Variants in SNRNP200 observed in about 807,000 individuals in gnomAD.
SNRNP200 encodes the protein small nuclear ribonucleoprotein U5 subunit 200.
SNRNP200 carries 66 observed loss-of-function variants against 255.2 expected under a neutral mutation model. That is an observed-to-expected ratio of 0.26 (90% CI 0.21 to 0.32). The LOEUF (loss-of-function observed/expected upper bound fraction) is 0.32. Ranked by LOEUF, SNRNP200 falls within the 10% of genes least tolerant of loss-of-function variation. The pLI, the probability that SNRNP200 is intolerant of heterozygous loss-of-function variation, is 1.00. For synonymous variants in SNRNP200, 939 were observed against 1,027.8 expected (o/e 0.91, Z 1.65); for missense variants, 1,585 against 2,749.8 (o/e 0.58, Z 9.47).
chr2:96,298,829 A>G lies in SNRNP200; in HGVS notation c.868T>C (p.Leu290=), dbSNP rs1211580910. The change falls in exon 7 of 45, where the codon TTG becomes CTG. Residue 290 remains leucine (L), a synonymous_variant. Transcript: ENST00000323853. ...CTTGGCCATACCTTCAAAATCTCCAATACTTCATCTGCCTTCTTCTGCGAC... is the reference window on the plus strand; with the variant it reads ...CTTGGCCATACCTTCAAAATCTCCAGTACTTCATCTGCCTTCTTCTGCGAC... The part of the protein sequence containing the change: ...IVSQKKADEV[L]EILKTASDDR... 1.9e-6 allele frequency: 3 copies of G among 1,614,162 alleles called. No individual in the cohort carries two copies. The highest frequency in any genetic ancestry group is 3.3e-5 in the Admixed American group (2 of 60,024).
At chr2:96,298,483 A>G in intron 8 of SNRNP200, 63 bp from the exon 9 acceptor site, 5 of 1,611,684 alleles carry the variant, frequency 3.1e-6, no homozygotes, top group Non-Finnish European at 3.4e-6. Context: ...AACCATCCTC[A>G]GGGTAGAAAG....
chr2:96,302,281 T>C (rs748478805), intron 3 of SNRNP200, among the ~76,000 whole-genome samples: 1 of 152,172 alleles, frequency 6.6e-6, no homozygotes, highest in Non-Finnish European at 1.5e-5. Flanking sequence ...ACACGTGCTG[T>C]TCCACACAAA....
intron 43 of SNRNP200, 137 bp from the exon 44 acceptor site, chr2:96,275,486 T>C (rs935967059): frequency 7.8e-6 from 6 of 771,800 alleles, no homozygotes; most frequent in Non-Finnish European, 1.1e-5. Context: ...ACAATTAGAT[T>C]TAACATTTTA....
chr2:96,286,940 T>C lies in SNRNP200; in HGVS notation c.3640-63A>G. The C allele has an allele frequency of 6.2e-7, 1 of 1,613,716 alleles. No individual in the cohort carries two copies. The highest frequency in any genetic ancestry group is 8.5e-7 in the Non-Finnish European group (1 of 1,179,736). ...ACGTAGACTGAGTGCCTCCAATCCA[T>C]CTCCTCGGCCCAGCAACGTAGACTG... is the stretch of plus-strand genomic sequence containing the variant. On this transcript the variant is annotated intron_variant, in intron 27 of 44. Coordinates refer to ENST00000323853, the MANE Select transcript of SNRNP200 (RefSeq NM_014014.5). This position sits in a 1 kb window ranked among gnomAD's most constrained non-coding sequence, Gnocchi z 4.8.
chr2:96,277,735 T>C lies in SNRNP200; in HGVS notation c.5755-20A>G, dbSNP rs3214063. On this transcript the variant is annotated intron_variant, in intron 40 of 44. Transcript: ENST00000323853. The surrounding 1 kb of genome is among the most constrained non-coding windows in gnomAD (Gnocchi z 4.4). ...GATTGCCTGAACAGGAAAAGGAGTA[T>C]AAAAGTGGGCGGAGTTGGAGCTGAG... 586,872 of 1,613,676 alleles carry C rather than the reference T, an allele frequency of 0.36. 114,011 individuals are homozygous for C. The highest frequency in any genetic ancestry group is 0.69 in the South Asian group (63,070 of 91,078).
At position 96,278,156 on chromosome 2, in the gene SNRNP200, T is replaced by C. The variant is rs548848568; in HGVS notation, c.5610+81A>G. 2 of 1,606,894 alleles carry C rather than the reference T, an allele frequency of 1.2e-6. No individual in the cohort carries two copies. The highest frequency in any genetic ancestry group is 2.2e-5 in the East Asian group (1 of 44,838). The stretch of plus-strand genomic sequence containing the variant: ...CGGGGGATGCGTATGGGCGTGTTGG[T>C]GGCAGGGATGCCATGTGCTCTGGGC... On this transcript the variant is annotated intron_variant, in intron 39 of 44. Coordinates refer to ENST00000323853, the MANE Select transcript of SNRNP200 (RefSeq NM_014014.5). This position sits in a 1 kb window ranked among gnomAD's most constrained non-coding sequence, Gnocchi z 6.9.
rs1295655106 is a variant in SNRNP200, at chr2:96,290,680, G to A, written c.2553+4C>T. On this transcript the variant is annotated splice_donor_region_variant and intron_variant, in intron 19 of 44. Transcript: ENST00000323853. This position sits in a 1 kb window ranked among gnomAD's most constrained non-coding sequence, Gnocchi z 4.5. Reference sequence around the variant, plus strand: ...GCTGAGAATAAACTCAAAAGGCTCTGTACCTGCAGAATGTCCAGTGCTCCC... The same window carrying A: ...GCTGAGAATAAACTCAAAAGGCTCTATACCTGCAGAATGTCCAGTGCTCCC... 6.2e-7 allele frequency: 1 copy of A among 1,614,196 alleles called. No homozygotes were observed. The highest frequency in any genetic ancestry group is 8.5e-7 in the Non-Finnish European group (1 of 1,180,038).
chr2:96,303,214 G>A lies in SNRNP200; in HGVS notation c.326C>T (p.Thr109Ile), dbSNP rs2063964282. Residue 109 changes from threonine to isoleucine, a missense_variant, in exon 3 of 45, where the codon ACT becomes ATT. Around this residue, in one of 9 missense-constraint regions of SNRNP200, gnomAD observed 383 missense variants for 645.3 expected, o/e 0.59. Transcript: ENST00000323853. Reference protein sequence around the residue: ...GIIYKPKTKETRETYEVLLSF... With the variant: ...GIIYKPKTKEIRETYEVLLSF... Reference sequence around the variant, plus strand: ...GAGTAGCACCTCATAGGTCTCCCGAGTCTCTTTAGTTTTGGGCTTGTAGAT... The same window carrying A: ...GAGTAGCACCTCATAGGTCTCCCGAATCTCTTTAGTTTTGGGCTTGTAGAT... 1 of 1,614,186 alleles carries A rather than the reference G, an allele frequency of 6.2e-7. No homozygotes were observed.
chr2:96,297,685 A>C lies in SNRNP200; in HGVS notation c.1155T>G (p.Ser385=). Residue 385 remains serine (S), a synonymous_variant, in exon 10 of 45, where the codon TCT becomes TCG. Transcript: ENST00000323853. ...ERSRRERVRQ[S]RMDTDLETMD... ...TGGTTTCCAGATCTGTGTCCATTCGAGACTGACGCACTCGCTCTCTCCGGG... is the reference window on the plus strand; with the variant it reads ...TGGTTTCCAGATCTGTGTCCATTCGCGACTGACGCACTCGCTCTCTCCGGG... The C allele has an allele frequency of 6.2e-7, 1 of 1,614,236 alleles. No homozygotes were observed. Among genetic ancestry groups the C allele is most frequent in the East Asian group, 2.2e-5 (1 of 44,894 alleles).
In SNRNP200 at chr2:96,290,763, G is replaced by A. The variant is rs2063879411; in HGVS notation, c.2474C>T (p.Thr825Ile). 2 of 1,614,194 alleles carry A rather than the reference G, an allele frequency of 1.2e-6. No individual in the cohort carries two copies. Among genetic ancestry groups the A allele is most frequent in the Non-Finnish European group, 1.7e-6 (2 of 1,180,032 alleles). The change falls in exon 19 of 45, where the codon ACA becomes ATA. Residue 825 changes from threonine to isoleucine, a missense_variant. By Grantham distance (89) the Thr-to-Ile change is moderately conservative. Coordinates refer to ENST00000323853, the MANE Select transcript of SNRNP200 (RefSeq NM_014014.5). The surrounding 1 kb of genome is among the most constrained non-coding windows in gnomAD (Gnocchi z 4.5). ...CACCTGGGTGCCTTTGATGATGACT[G>A]TATGTGCAGGGAGATTCACACCCCA... ...LAWGVNLPAH[T>I]VIIKGTQVYS...
In SNRNP200 at chr2:96,286,616, A is replaced by T; in HGVS notation, c.3829+72T>A. The T allele has an allele frequency of 1.3e-6, 2 of 1,598,164 alleles. No homozygotes were observed. Among genetic ancestry groups the T allele is most frequent in the Admixed American group, 1.7e-5 (1 of 59,142 alleles). On this transcript the variant is annotated intron_variant, in intron 28 of 44. Transcript: ENST00000323853. The surrounding 1 kb of genome is among the most constrained non-coding windows in gnomAD (Gnocchi z 4.8). Reference sequence around the variant, plus strand: ...TGTCCCCAGCAAGGGCAAGCCCGGGACAAAGTGCAAGACATTCTTCTACTG... The same window carrying T: ...TGTCCCCAGCAAGGGCAAGCCCGGGTCAAAGTGCAAGACATTCTTCTACTG...
chr2:96,276,781 C>T (rs919196225), intron 43 of SNRNP200, 123 bp downstream of exon 43: 2 of 937,394 alleles, frequency 2.1e-6, no homozygotes, highest in South Asian at 1.3e-5. Flanking sequence ...TTAATTCTCA[C>T]CCTTGTGAGC....
In SNRNP200 at chr2:96,301,047, T is replaced by C. The variant is rs2063949326; in HGVS notation, c.581A>G (p.Asn194Ser). The C allele has an allele frequency of 1.2e-6, 2 of 1,613,842 alleles. No homozygotes were observed. Among genetic ancestry groups the C allele is most frequent in the Admixed American group, 1.7e-5 (1 of 59,996 alleles). Residue 194 changes from asparagine to serine, a missense_variant, in exon 5 of 45, where the codon AAC (asparagine) becomes AGC (serine). Asn to Ser is a conservative substitution (Grantham distance 46). This residue lies in a region of SNRNP200 where 383 missense variants were observed against 645.3 expected (regional missense o/e 0.59). Transcript: ENST00000323853. ...ATTCACACCGTATGTCTCATCAATG[T>C]TGTCATCTGAAACAATGAAGGATTA... Reference protein sequence around the residue: ...GDKEIQNMDDNIDETYGVNVQ... With the variant: ...GDKEIQNMDDSIDETYGVNVQ...
At chr2:96,281,163 CTT>C (rs56825196) in intron 35 of SNRNP200, 11 of 92,670 alleles carry the variant, frequency 1.2e-4, no homozygotes, top group East Asian at 3.0e-4. Context: ...CACACCCAGG[CTT>C]TTTTTTTTTT....
At position 96,283,073 on chromosome 2, in the gene SNRNP200, G is replaced by T; in HGVS notation, c.4915+128C>A. 1 of 1,227,724 alleles carries T rather than the reference G, an allele frequency of 8.1e-7. No individual in the cohort carries two copies. The highest frequency in any genetic ancestry group is 1.2e-6 in the Non-Finnish European group (1 of 845,430). The allele number at this position is 1,227,724 out of a possible 1,614,324, so 76.1% of individuals were successfully genotyped here. A position where few individuals can be genotyped will look rare whatever the true frequency, so the allele number is the denominator to read the frequency against. ...GAGGATCAAATGAGTTAACAGCCAA[G>T]AGTCCTAAACAGTATTTTGAAAATC... On this transcript the variant is annotated intron_variant, in intron 34 of 44. Coordinates refer to ENST00000323853, the MANE Select transcript of SNRNP200 (RefSeq NM_014014.5). The surrounding 1 kb of genome is among the most constrained non-coding windows in gnomAD (Gnocchi z 4.7).
chr2:96,275,984 C>T (rs1030009053), intron 43 of SNRNP200, among the ~76,000 whole-genome samples: 10 of 152,074 alleles, frequency 6.6e-5, no homozygotes, highest in East Asian at 1.9e-4. Flanking sequence ...CCAGCCTGGG[C>T]GACAGAGCGA....
At position 96,297,088 on chromosome 2, in the gene SNRNP200, C is replaced by T; in HGVS notation, c.1378-18G>A. 6.2e-7 allele frequency: 1 copy of T among 1,614,126 alleles called. No homozygotes were observed. Among genetic ancestry groups the T allele is most frequent in the Non-Finnish European group, 8.5e-7 (1 of 1,180,026 alleles). Reference sequence around the variant, plus strand: ...AGCAGTTGCTAGAAGAAAAGAAGTGCCATCAATATCATGTTGGCAGCATCC... The same window carrying T: ...AGCAGTTGCTAGAAGAAAAGAAGTGTCATCAATATCATGTTGGCAGCATCC... On this transcript the variant is annotated intron_variant, in intron 11 of 44. Transcript: ENST00000323853.
Position 96,291,954 on chromosome 2 carries a change from A to G in SNRNP200, c.2161-54T>C. ...CACGAGATACTCACAGCCCCAGGGC[A>G]CCTGCAGCAGGAAGCAGAAGTTGCA... On this transcript the variant is annotated intron_variant, in intron 16 of 44. Transcript: ENST00000323853. The surrounding 1 kb of genome is among the most constrained non-coding windows in gnomAD (Gnocchi z 4.2). The G allele has an allele frequency of 6.2e-7, 1 of 1,601,452 alleles. No individual in the cohort carries two copies. Among genetic ancestry groups the G allele is most frequent in the South Asian group, 1.1e-5 (1 of 90,848 alleles).
intron 30 of SNRNP200, 164 bp from the exon 31 acceptor site, chr2:96,284,749 C>CTTTT: frequency 3.6e-6 from 2 of 552,520 alleles, no homozygotes; most frequent in East Asian, 3.1e-5. Context: ...GCAGCTTTTT[C>CTTTT]TTTTTTTTTT....
Sources: allele counts gnomAD v4.1 joint callset (sites outside exome capture counted in the v4.1 genomes callset), GRCh38; gene constraint gnomAD v4.1.1; regional missense constraint gnomAD v4.1.1; non-coding constraint Gnocchi (gnomAD v3.1); transcripts MANE v1.5; gene names NCBI Gene and HGNC (gene_info 2026-07-23, HGNC 2026-07-21).